Variants in MECR observed in about 807,000 individuals in gnomAD.
MECR encodes mitochondrial trans-2-enoyl-CoA reductase, also known as enoyl-[acyl-carrier-protein] reductase, mitochondrial.
MECR carries 37 observed loss-of-function variants against 49.1 expected under a neutral mutation model. That is an observed-to-expected ratio of 0.75 (90% CI 0.58 to 0.99). MECR has a LOEUF of 0.99. Ranked by LOEUF, MECR falls within the 50% of genes least tolerant of loss-of-function variation. The pLI is 0.00. For missense variants in MECR, 470 were observed against 479.6 expected (o/e 0.98, Z 0.19); for synonymous variants, 198 against 191.1 (o/e 1.04, Z -0.30).
intron 3 of MECR, among the ~76,000 whole-genome samples, chr1:29,209,866 G>T (rs575574548): frequency 6.6e-6 from 1 of 152,282 alleles, no homozygotes; most frequent in African/African-American, 2.4e-5. Flanking sequence ...CTATCCAGTT[G>T]CTGGGATTCT....
At position 29,213,942 on chromosome 1, in the gene MECR, G is replaced by T. The variant is rs79478228; in HGVS notation, c.406+2063C>A. On this transcript the variant is annotated intron_variant, in intron 3 of 9. Coordinates refer to ENST00000263702, the MANE Select transcript of MECR (RefSeq NM_016011.5). ...TGTTGGTTTGATTATATCAATATGTGGGGAGATCTCATCTAAGAACAAGTG... is the reference window on the plus strand; with the variant it reads ...TGTTGGTTTGATTATATCAATATGTTGGGAGATCTCATCTAAGAACAAGTG... Among the ~76,000 whole-genome samples, 786 of 152,202 alleles carry T rather than the reference G, an allele frequency of 5.2e-3. 9 individuals carry two copies. The highest frequency in any genetic ancestry group is 0.018 in the African/African-American group (751 of 41,522).
intron 7 of MECR, among the ~76,000 whole-genome samples, chr1:29,196,530 A>G (rs963392211): frequency 2.0e-5 from 3 of 151,582 alleles, no homozygotes; most frequent in Non-Finnish European, 4.4e-5. Flanking sequence ...CTACAAAAAA[A>G]GTACAGAAAA....
the MECR span, among the ~76,000 whole-genome samples, chr1:29,184,134 TCCC>T: frequency 1.3e-5 from 2 of 149,048 alleles, no homozygotes; most frequent in Non-Finnish European, 3.0e-5. Context: ...TGCCTCGGCC[TCCC>T]AGAGTGCTGG....
At chr1:29,167,804 C>T in the MECR span, among the ~76,000 whole-genome samples, 3 of 152,180 alleles carry the variant, frequency 2.0e-5, no homozygotes, top group African/African-American at 7.2e-5. Flanking sequence ...CAGTGCCTGG[C>T]ACAGTAAATA....
At chr1:29,214,365 T>G (rs1558473196) in intron 3 of MECR, among the ~76,000 whole-genome samples, 2 of 131,402 alleles carry the variant, frequency 1.5e-5, no homozygotes, top group Non-Finnish European at 3.3e-5. Flanking sequence ...CTGGCCTTAT[T>G]TTTTTTTTTT....
At chr1:29,214,420 G>A (rs1678829413) in intron 3 of MECR, among the ~76,000 whole-genome samples, 2 of 150,034 alleles carry the variant, frequency 1.3e-5, no homozygotes, top group Admixed American at 6.7e-5. Flanking sequence ...GGAGTGCAGT[G>A]GCATGATCTC....
chr1:29,198,797 A>G (rs1674624881), intron 7 of MECR, among the ~76,000 whole-genome samples: 1 of 152,114 alleles, frequency 6.6e-6, no homozygotes, highest in South Asian at 2.1e-4. Flanking sequence ...TTGTATTTTT[A>G]GTAGAGACGA....
intron 9 of MECR, among the ~76,000 whole-genome samples, chr1:29,194,389 A>G (rs1195171939): frequency 4.6e-5 from 7 of 152,280 alleles, no homozygotes; most frequent in South Asian, 2.1e-4. Context: ...AGGGGAACAT[A>G]GGAGCGGCTC....
chr1:29,209,596 G>A (rs1328236123), intron 3 of MECR, among the ~76,000 whole-genome samples: 1 of 152,158 alleles, frequency 6.6e-6, no homozygotes, highest in Non-Finnish European at 1.5e-5. Context: ...ATGGATTTGA[G>A]TTCTATTTTA....
intron 1 of MECR, among the ~76,000 whole-genome samples, chr1:29,217,642 C>T (rs1043158020): frequency 6.6e-6 from 1 of 152,174 alleles, no homozygotes; most frequent in Non-Finnish European, 1.5e-5. Context: ...TCAGGCCCAC[C>T]TCTGATCTAC....
intron 1 of MECR, among the ~76,000 whole-genome samples, chr1:29,220,373 C>A (rs1186428338): frequency 1.3e-5 from 2 of 152,040 alleles, no homozygotes; most frequent in African/African-American, 2.4e-5. Flanking sequence ...TGTACTCCAA[C>A]CTGGGCGACA....
intron 6 of MECR, 31 bp from the exon 7 acceptor site, chr1:29,200,620 C>A (rs1675088402): frequency 6.3e-7 from 1 of 1,597,510 alleles, no homozygotes. Flanking sequence ...AGTGAGGGAG[C>A]ATCCCCGCTC....
chr1:29,219,121 G>A (rs1474076951), intron 1 of MECR, among the ~76,000 whole-genome samples: 1 of 152,118 alleles, frequency 6.6e-6, no homozygotes, highest in African/African-American at 2.4e-5. Flanking sequence ...GGAGATGGAG[G>A]GAGCGCTAAC....
the MECR span, among the ~76,000 whole-genome samples, chr1:29,175,295 C>A: frequency 6.6e-6 from 1 of 151,942 alleles, no homozygotes; most frequent in South Asian, 2.1e-4. Context: ...CACCTGTAAT[C>A]CCAGCTACTT....
downstream of MECR, among the ~76,000 whole-genome samples, chr1:29,191,533 T>G (rs911754143): frequency 6.6e-6 from 1 of 152,186 alleles, no homozygotes; most frequent in African/African-American, 2.4e-5. Context: ...TCCTGTGGCC[T>G]CTGGCAGCCT....
chr1:29,214,061 CTTTTTTTTTTT>C (rs1200557418), intron 3 of MECR, among the ~76,000 whole-genome samples: 1 of 138,562 alleles, frequency 7.2e-6, no homozygotes, highest in South Asian at 2.3e-4. Context: ...AATCAACTTT[CTTTTTTTTTTT>C]TTTTTTTGAG....
chr1:29,197,211 C>T (rs923444119), intron 7 of MECR, among the ~76,000 whole-genome samples: 13 of 152,220 alleles, frequency 8.5e-5, no homozygotes, highest in Admixed American at 3.9e-4. Flanking sequence ...CAGATGAGCT[C>T]GAGGCCTGAG....
chr1:29,194,259 C>T, intron 9 of MECR, 80 bp from the exon 10 acceptor site: 1 of 1,444,624 alleles, frequency 6.9e-7, no homozygotes, highest in Non-Finnish European at 9.3e-7. Flanking sequence ...GCCCTATGGG[C>T]AGGAGCTGGC....
chr1:29,207,466 T>C (rs1401720066), intron 3 of MECR, among the ~76,000 whole-genome samples: 1 of 150,882 alleles, frequency 6.6e-6, no homozygotes, highest in African/African-American at 2.4e-5. Flanking sequence ...AAAAATGGGG[T>C]GTGGTGGCTC....
Sources: gnomAD v4.1 joint callset for allele counts (sites outside exome capture counted in the v4.1 genomes callset) on GRCh38, gnomAD v4.1.1 for gene constraint, MANE v1.5 for transcripts, NCBI Gene and HGNC (gene_info 2026-07-23, HGNC 2026-07-21) for gene names.